The following INTS6 variants were observed in gnomAD, a reference collection of about 807,000 sequenced individuals.
The protein encoded by INTS6 is DEAD box protein.
INTS6 carries 16 observed loss-of-function variants against 104.9 expected under a neutral mutation model. The observed-to-expected ratio is 0.15, with a 90% CI of 0.10 to 0.23. The LOEUF (loss-of-function observed/expected upper bound fraction) is 0.23. INTS6 is among the 10% of genes least tolerant of loss of function. The pLI, the probability that INTS6 is intolerant of heterozygous loss-of-function variation, is 1.00. For synonymous variants in INTS6, 324 were observed against 358.7 expected (o/e 0.90, Z 1.09); for missense variants, 584 against 1,062.8 (o/e 0.55, Z 6.26).
rs59966165 is a variant in INTS6, at chr13:51,388,373, G to GTT, written c.740-835_740-834dup. Among the ~76,000 whole-genome samples the GTT allele has an allele frequency of 1.0e-4, 15 of 148,058 alleles. No homozygotes were observed. The South Asian group carries it at 2.0e-3, about 19-fold the overall frequency. ...AAATCTTTGTGTGTGTGTGTGTTTTGTTTTTTTTTGTTTTTGTTTTTGTTT... is the reference window on the plus strand; with the variant it reads ...AAATCTTTGTGTGTGTGTGTGTTTTGTTTTTTTTTTTGTTTTTGTTTTTGTTT... On this transcript the variant is annotated intron_variant, in intron 6 of 17. Transcript: ENST00000311234.
chr13:51,345,788 T>A, the INTS6 span, among the ~76,000 whole-genome samples: 3 of 152,224 alleles, frequency 2.0e-5, no homozygotes, highest in Non-Finnish European at 4.4e-5. Context: ...AATTCCCTGC[T>A]CACATCCTTG....
At chr13:51,344,950 C>T in the INTS6 span, among the ~76,000 whole-genome samples, 1 of 152,164 alleles carries the variant, frequency 6.6e-6, no homozygotes, top group East Asian at 1.9e-4. Flanking sequence ...AGATGTTTAG[C>T]TCAGTGTTAT....
chr13:51,346,744 T>C, the INTS6 span, among the ~76,000 whole-genome samples: 1 of 152,318 alleles, frequency 6.6e-6, no homozygotes, highest in East Asian at 1.9e-4. Flanking sequence ...AGACTCTAGG[T>C]CTAGGATTTT....
chr13:51,374,190 G>C lies in INTS6; in HGVS notation c.2104+18C>G, dbSNP rs776497012. The C allele has an allele frequency of 8.2e-6, 13 of 1,592,344 alleles. No individual in the cohort carries two copies. In the South Asian group the frequency reaches 1.3e-4, roughly 16 times the overall value. On this transcript the variant is annotated intron_variant, in intron 15 of 17. Transcript: ENST00000311234. ...CCAAAAGGCAGCAAATAATGTTTAA[G>C]AAAAAAACAATTCTTACTTTTATGA...
At chr13:51,415,911 A>G (rs1956779345) in intron 4 of INTS6, among the ~76,000 whole-genome samples, 1 of 152,210 alleles carries the variant, frequency 6.6e-6, no homozygotes, top group South Asian at 2.1e-4. Flanking sequence ...AGGGACAGGC[A>G]AATACACTAA....
At chr13:51,380,221 A>G (rs1032867356) in intron 10 of INTS6, among the ~76,000 whole-genome samples, 1 of 152,138 alleles carries the variant, frequency 6.6e-6, no homozygotes, top group Non-Finnish European at 1.5e-5. Flanking sequence ...AAACAATCTA[A>G]TATTTATTAT....
chr13:51,427,831 T>C (rs1400498772), intron 4 of INTS6, among the ~76,000 whole-genome samples: 1 of 152,148 alleles, frequency 6.6e-6, no homozygotes, highest in Non-Finnish European at 1.5e-5. Flanking sequence ...TTGTAAAAGA[T>C]AGAACTAAAA....
intron 3 of INTS6, among the ~76,000 whole-genome samples, chr13:51,431,173 G>A (rs1957084118): frequency 6.6e-6 from 1 of 152,136 alleles, no homozygotes; most frequent in South Asian, 2.1e-4. Context: ...ACATAAGCTT[G>A]CCTTTTACAT....
At chr13:51,410,178 T>C (rs372551640) in intron 4 of INTS6, among the ~76,000 whole-genome samples, 10 of 152,184 alleles carry the variant, frequency 6.6e-5, no homozygotes, top group African/African-American at 2.4e-4. Flanking sequence ...ATAGATTCAA[T>C]GTAATTCCAA....
chr13:51,406,887 GATT>G, intron 4 of INTS6, among the ~76,000 whole-genome samples: 1 of 150,434 alleles, frequency 6.6e-6, no homozygotes, highest in East Asian at 2.0e-4. Flanking sequence ...AACATTATGA[GATT>G]TTTTTGTGAT....
chr13:51,354,984 T>A, intron 3 of INTS6: 1 of 810,174 alleles, frequency 1.2e-6, no homozygotes, highest in Non-Finnish European at 2.1e-6. Flanking sequence ...TCATGTGGTG[T>A]GTATGAAAGT....
In INTS6 at chr13:51,451,742, C is replaced by CGCCGCT. The variant is rs1555293055; in HGVS notation, c.189+230_189+235dup. On this transcript the variant is annotated intron_variant, in intron 2 of 17. Transcript: ENST00000311234. ...GCAGCGCCGCCGCCGCCGCCGCCGC[C>CGCCGCT]GCCGCTGCCGGGCCGGGCCGGGAGG... 2.7e-4 allele frequency among the ~76,000 whole-genome samples: 40 copies of CGCCGCT among 149,980 alleles called. 1 individual carries two copies. Among genetic ancestry groups the CGCCGCT allele is most frequent in the South Asian group, 2.1e-3 (10 of 4,760 alleles).
At chr13:51,425,463 C>G (rs1956968189) in intron 4 of INTS6, among the ~76,000 whole-genome samples, 1 of 152,090 alleles carries the variant, frequency 6.6e-6, no homozygotes, top group Admixed American at 6.5e-5. Flanking sequence ...CCACAGCAAT[C>G]ATAACATTGG....
chr13:51,453,031 T>C lies in INTS6; in HGVS notation c.-506A>G. 2.1e-5 allele frequency: 21 copies of C among 1,009,136 alleles called. No individual in the cohort carries two copies. Among genetic ancestry groups the C allele is most frequent in the Non-Finnish European group, 2.4e-5 (20 of 844,758 alleles). The allele number at this position is 1,009,136 out of a possible 1,614,324, so 62.5% of individuals were successfully genotyped here. On this transcript the variant is annotated 5_prime_UTR_variant, in exon 1 of 18. Transcript: ENST00000311234. Reference sequence around the variant, plus strand: ...CCACTTTCTCAGCCCCTCTCGCTACTGAAGCGCTTTTCTCTCTCACACTCC... The same window carrying C: ...CCACTTTCTCAGCCCCTCTCGCTACCGAAGCGCTTTTCTCTCTCACACTCC...
chr13:51,365,710 T>G lies in INTS6; in HGVS notation c.*42A>C. 9.1e-7 allele frequency: 1 copy of G among 1,093,992 alleles called. No individual in the cohort carries two copies. The highest frequency in any genetic ancestry group is 1.5e-5 in the South Asian group (1 of 68,380). The allele number at this position is 1,093,992 out of a possible 1,614,324, so 67.8% of individuals were successfully genotyped here. A position where few individuals can be genotyped will look rare whatever the true frequency, so the allele number is the denominator to read the frequency against. ...CAACAGTCTTGTATTTACTTTGTATTTGAAGAAGATAGTGAAATAAGTGGC... is the reference window on the plus strand; with the variant it reads ...CAACAGTCTTGTATTTACTTTGTATGTGAAGAAGATAGTGAAATAAGTGGC... On this transcript the variant is annotated 3_prime_UTR_variant, in exon 18 of 18. Transcript: ENST00000311234.
chr13:51,374,827 T>G, intron 13 of INTS6, 31 bp from the exon 14 acceptor site: 1 of 1,607,704 alleles, frequency 6.2e-7, no homozygotes, highest in African/African-American at 1.3e-5. Context: ...GCAAAAAAAG[T>G]TAACCTCCAA....
At chr13:51,416,255 T>C (rs1956784417) in intron 4 of INTS6, among the ~76,000 whole-genome samples, 2 of 152,184 alleles carry the variant, frequency 1.3e-5, no homozygotes, top group African/African-American at 4.8e-5. Context: ...AGAGTAAAGA[T>C]ACAAGTTCTT....
intron 4 of INTS6, among the ~76,000 whole-genome samples, chr13:51,407,127 A>G (rs1341206306): frequency 6.6e-6 from 1 of 151,640 alleles, no homozygotes; most frequent in Non-Finnish European, 1.5e-5. Flanking sequence ...GTCTGGTACA[A>G]TCCTCTTTTC....
Position 51,382,848 on chromosome 13 carries a change from G to T in INTS6, c.1180+481C>A, listed in dbSNP as rs571646962. 4.6e-5 allele frequency among the ~76,000 whole-genome samples: 7 copies of T among 152,344 alleles called. 1 individual carries two copies. In the South Asian group the frequency reaches 8.3e-4, roughly 18 times the overall value. ...TCCCAGCACTTTGGGAGGCCAAGGCGGGCGGATCACCTGAGATCAGGAGTT... is the reference window on the plus strand; with the variant it reads ...TCCCAGCACTTTGGGAGGCCAAGGCTGGCGGATCACCTGAGATCAGGAGTT... On this transcript the variant is annotated intron_variant, in intron 9 of 17. Coordinates refer to ENST00000311234, the MANE Select transcript of INTS6 (RefSeq NM_012141.3).
Sources: gnomAD v4.1 joint callset for allele counts (sites outside exome capture counted in the v4.1 genomes callset) on GRCh38, gnomAD v4.1.1 for gene constraint, MANE v1.5 for transcripts, NCBI Gene and HGNC (gene_info 2026-07-23, HGNC 2026-07-21) for gene names.